Variants in CCBE1 observed in about 807,000 individuals in gnomAD.
The protein encoded by CCBE1 is collagen and calcium-binding EGF domain-containing protein 1.
In CCBE1, 37 loss-of-function variants were observed where a neutral mutation model predicts 50.0. The observed-to-expected ratio is 0.74, with a 90% CI of 0.57 to 0.97. The LOEUF is 0.97. Among genes scored for constraint, CCBE1 ranks in the 50% least tolerant of loss-of-function variants. The pLI is 0.00. For synonymous variants in CCBE1, 234 were observed against 203.7 expected (o/e 1.15, Z -1.27); for missense variants, 538 against 523.8 (o/e 1.03, Z -0.26).
intron 7 of CCBE1, among the ~76,000 whole-genome samples, chr18:59,446,373 G>A (rs989847864): frequency 1.1e-4 from 16 of 152,168 alleles, no homozygotes; most frequent in Admixed American, 1.0e-3. Context: ...AGGGTGGAGA[G>A]CACTATGCTA....
chr18:59,522,255 T>C (rs1041904220), intron 2 of CCBE1, among the ~76,000 whole-genome samples: 3 of 152,134 alleles, frequency 2.0e-5, no homozygotes, highest in African/African-American at 7.2e-5. Flanking sequence ...CTTCACATCA[T>C]TGATGGGTTC....
At position 59,455,078 on chromosome 18, in the gene CCBE1, G is replaced by A. The variant is rs751465455; in HGVS notation, c.554-127C>T. ...CAGCGGGACATGCGAGGGCTCAACT[G>A]TGGGTGATTTTACAGCTCTCAGGTC... On this transcript the variant is annotated intron_variant, in intron 5 of 10. Coordinates refer to ENST00000439986, the MANE Select transcript of CCBE1 (RefSeq NM_133459.4). 13 of 758,088 alleles carry A rather than the reference G, an allele frequency of 1.7e-5. No homozygotes were observed. In the East Asian group the frequency reaches 2.9e-4, roughly 17 times the overall value. 47.0% of individuals were successfully genotyped at this position (758,088 alleles called of 1,614,324 possible).
At chr18:59,638,074 C>T (rs12455056) in intron 2 of CCBE1, among the ~76,000 whole-genome samples, 66,030 of 151,950 alleles carry the variant, frequency 0.43, 16,289 homozygotes, top group Non-Finnish European at 0.56. Context: ...TATAAAATAT[C>T]GGAAAACTGT....
chr18:59,635,124 A>G (rs914640000), intron 2 of CCBE1, among the ~76,000 whole-genome samples: 5 of 152,226 alleles, frequency 3.3e-5, no homozygotes, highest in African/African-American at 1.2e-4. Flanking sequence ...AAAGGCAGAG[A>G]AGAGATTGAT....
At chr18:59,484,436 C>A (rs1451793924) in intron 2 of CCBE1, among the ~76,000 whole-genome samples, 5 of 152,190 alleles carry the variant, frequency 3.3e-5, no homozygotes, top group Non-Finnish European at 5.9e-5. Flanking sequence ...AAAGTTCATG[C>A]AAATCAATAT....
intron 2 of CCBE1, among the ~76,000 whole-genome samples, chr18:59,678,088 G>T (rs1408131687): frequency 1.3e-5 from 2 of 152,186 alleles, no homozygotes; most frequent in Non-Finnish European, 2.9e-5. Flanking sequence ...TTGTAAGCGG[G>T]TGCGGTAGTC....
chr18:59,552,050 G>A (rs1018000159), intron 2 of CCBE1, among the ~76,000 whole-genome samples: 1 of 152,200 alleles, frequency 6.6e-6, no homozygotes, highest in African/African-American at 2.4e-5. Flanking sequence ...GAGGGTATAA[G>A]ATGGCCTCAA....
chr18:59,478,496 A>G (rs923277789), intron 3 of CCBE1, among the ~76,000 whole-genome samples: 3 of 152,256 alleles, frequency 2.0e-5, no homozygotes, highest in African/African-American at 7.2e-5. Flanking sequence ...CAGAGCAGAT[A>G]ATTAGCTCTG....
At chr18:59,440,386 C>T (rs1385359879) in intron 7 of CCBE1, among the ~76,000 whole-genome samples, 1 of 152,214 alleles carries the variant, frequency 6.6e-6, no homozygotes, top group African/African-American at 2.4e-5. Flanking sequence ...ATACACAGCA[C>T]TTAGTATAGT....
chr18:59,666,653 G>A (rs2054361242), intron 2 of CCBE1, among the ~76,000 whole-genome samples: 1 of 152,064 alleles, frequency 6.6e-6, no homozygotes, highest in Non-Finnish European at 1.5e-5. Flanking sequence ...CATTGTGAAT[G>A]TATACAAGGC....
chr18:59,439,005 G>T (rs1228230593), intron 9 of CCBE1, among the ~76,000 whole-genome samples: 1 of 152,080 alleles, frequency 6.6e-6, no homozygotes, highest in Non-Finnish European at 1.5e-5. Flanking sequence ...CCAAAAATTA[G>T]GCCGGGTGTG....
At chr18:59,439,881 A>G in intron 7 of CCBE1, 65 bp from the exon 8 acceptor site, 2 of 1,569,274 alleles carry the variant, frequency 1.3e-6, no homozygotes, top group South Asian at 1.1e-5. Context: ...CTGGCTAACA[A>G]GAGTCCAGGA....
In CCBE1 at chr18:59,499,609, G is replaced by A. The variant is rs948094123; in HGVS notation, c.213-19371C>T. On this transcript the variant is annotated intron_variant, in intron 2 of 10. Coordinates refer to ENST00000439986, the MANE Select transcript of CCBE1 (RefSeq NM_133459.4). The stretch of plus-strand genomic sequence containing the variant: ...ATAAAACCATCAGATCCTGTGAGAC[G>A]TATTCACTATCATGAGAACAGCACG... 3.9e-5 allele frequency among the ~76,000 whole-genome samples: 6 copies of A among 152,088 alleles called. No individual in the cohort carries two copies. The Middle Eastern group carries it at 0.01, about 260-fold the overall frequency.
chr18:59,641,570 C>G, intron 2 of CCBE1, among the ~76,000 whole-genome samples: 1 of 152,142 alleles, frequency 6.6e-6, no homozygotes, highest in East Asian at 1.9e-4. Context: ...CCTATATAAA[C>G]AAACCTGCAC....
At chr18:59,478,296 T>A (rs1363382463) in intron 3 of CCBE1, among the ~76,000 whole-genome samples, 3 of 152,178 alleles carry the variant, frequency 2.0e-5, no homozygotes, top group Non-Finnish European at 2.9e-5. Context: ...AAAATCGAAA[T>A]CAAAATTGGT....
chr18:59,571,354 A>G (rs962921503), intron 2 of CCBE1, among the ~76,000 whole-genome samples: 3 of 152,158 alleles, frequency 2.0e-5, no homozygotes, highest in South Asian at 2.1e-4. Flanking sequence ...GGAAACCATC[A>G]TTCTCAGCAC....
chr18:59,503,694 A>G (rs1054614667), intron 2 of CCBE1, among the ~76,000 whole-genome samples: 1 of 152,182 alleles, frequency 6.6e-6, no homozygotes, highest in Non-Finnish European at 1.5e-5. Context: ...TTTAAAATAT[A>G]TATGTATTTT....
chr18:59,638,844 T>C (rs568149553), intron 2 of CCBE1, among the ~76,000 whole-genome samples: 1 of 152,122 alleles, frequency 6.6e-6, no homozygotes, highest in Non-Finnish European at 1.5e-5. Context: ...AGACATGCTT[T>C]TTACAGAAAA....
chr18:59,557,819 A>G (rs1472368457), intron 2 of CCBE1, among the ~76,000 whole-genome samples: 1 of 149,686 alleles, frequency 6.7e-6, no homozygotes, highest in Non-Finnish European at 1.5e-5. Context: ...TCGTTCTTTC[A>G]TTGCTTTGTG....
Sources: allele counts gnomAD v4.1 joint callset (sites outside exome capture counted in the v4.1 genomes callset), GRCh38; gene constraint gnomAD v4.1.1; transcripts MANE v1.5; gene names NCBI Gene and HGNC (gene_info 2026-07-23, HGNC 2026-07-21).